Variants in ZNF469 observed in about 807,000 individuals in gnomAD.
ZNF469 encodes zinc finger protein 469.
ZNF469 carries 1 observed loss-of-function variant against 1.0 expected under a neutral mutation model. The ratio of observed to expected loss-of-function variants is 1.00; its 90% CI spans 0.35 to 4.73. The LOEUF (loss-of-function observed/expected upper bound fraction) is 4.73, where lower values mean the gene tolerates loss of function less well. ZNF469 is among the 30% of genes most tolerant of loss of function. The pLI is 0.16. For synonymous variants in ZNF469, 2,703 were observed against 2,363.4 expected (o/e 1.14, Z -4.17); for missense variants, 6,100 against 5,356.3 (o/e 1.14, Z -4.33).
the ZNF469 span, among the ~76,000 whole-genome samples, chr16:88,254,290 T>A: frequency 2.6e-5 from 4 of 152,244 alleles, no homozygotes; most frequent in African/African-American, 7.2e-5. Flanking sequence ...TGAGTTGCCA[T>A]GATGTCTTTA....
chr16:88,349,403 G>A, the ZNF469 span, among the ~76,000 whole-genome samples: 1 of 149,158 alleles, frequency 6.7e-6, no homozygotes, highest in Admixed American at 6.7e-5. Flanking sequence ...CACACACCAG[G>A]CACCACACAC....
chr16:88,390,565 C>T (rs1056562547), intron 1 of ZNF469, among the ~76,000 whole-genome samples: 1 of 152,236 alleles, frequency 6.6e-6, no homozygotes, highest in Non-Finnish European at 1.5e-5. Flanking sequence ...CCTAGGCAAG[C>T]TGACTTTTCC....
At chr16:88,347,525 C>T in the ZNF469 span, among the ~76,000 whole-genome samples, 1 of 152,212 alleles carries the variant, frequency 6.6e-6, no homozygotes, top group Admixed American at 6.5e-5. Flanking sequence ...ACCAGCCCCA[C>T]CATCTTCACT....
In ZNF469 at chr16:88,431,725, G is replaced by A. The variant is rs769088579; in HGVS notation, c.4255G>A (p.Gly1419Ser). ...CAGCAGCTCCTGCCTTTGCCAGGAC[G>A]GCGAGGATGCCGGTTCCCTCGAGCC... Reference protein sequence around the residue: ...PASSSCLCQDGEDAGSLEPQL... With the variant: ...PASSSCLCQDSEDAGSLEPQL... The change falls in exon 3 of 3, where the codon GGC becomes AGC. Residue 1419 changes from glycine (G) to serine (S), a missense_variant. Transcript: ENST00000565624. 16 of 1,550,168 alleles carry A rather than the reference G, an allele frequency of 1.0e-5. No homozygotes were observed. Among genetic ancestry groups the A allele is most frequent in the South Asian group, 7.1e-5 (6 of 84,064 alleles).
chr16:88,264,770 G>C, the ZNF469 span, among the ~76,000 whole-genome samples: 1 of 151,628 alleles, frequency 6.6e-6, no homozygotes, highest in African/African-American at 2.4e-5. Context: ...CACACCTGCT[G>C]GGCTTTGGCG....
At chr16:88,108,978 C>T in the ZNF469 span, among the ~76,000 whole-genome samples, 2 of 152,232 alleles carry the variant, frequency 1.3e-5, no homozygotes, top group Non-Finnish European at 2.9e-5. Context: ...AGTCACGCCA[C>T]ATTCATGACC....
the ZNF469 span, among the ~76,000 whole-genome samples, chr16:88,133,149 G>A: frequency 5.9e-5 from 9 of 152,214 alleles, no homozygotes; most frequent in Non-Finnish European, 1.2e-4. Context: ...GTGCTGCAGC[G>A]TACCGGCCAC....
the ZNF469 span, among the ~76,000 whole-genome samples, chr16:88,285,159 C>G: frequency 6.6e-6 from 1 of 152,274 alleles, no homozygotes; most frequent in Non-Finnish European, 1.5e-5. Flanking sequence ...ACTGTGGAGT[C>G]TCAGGGCTGC....
chr16:88,219,700 T>C, the ZNF469 span, among the ~76,000 whole-genome samples: 8 of 152,278 alleles, frequency 5.3e-5, no homozygotes, highest in East Asian at 3.9e-4. Context: ...ATTCAGGACA[T>C]AGGCATGAAA....
At chr16:88,233,240 C>T in the ZNF469 span, among the ~76,000 whole-genome samples, 6 of 152,222 alleles carry the variant, frequency 3.9e-5, no homozygotes, top group African/African-American at 1.4e-4. Flanking sequence ...GAGCCGTCCC[C>T]GCCAGGTTCT....
At chr16:88,356,940 G>T in the ZNF469 span, among the ~76,000 whole-genome samples, 1 of 152,380 alleles carries the variant, frequency 6.6e-6, no homozygotes, top group Admixed American at 6.5e-5. Flanking sequence ...CCTTCTGGAA[G>T]CTTGGCTTGC....
chr16:88,226,864 C>T, the ZNF469 span, among the ~76,000 whole-genome samples: 4 of 152,058 alleles, frequency 2.6e-5, no homozygotes, highest in African/African-American at 4.8e-5. Flanking sequence ...AAGCAAAGGG[C>T]GTGTGGGAAA....
the ZNF469 span, among the ~76,000 whole-genome samples, chr16:88,192,785 T>TG: frequency 0.022 from 3,301 of 150,454 alleles, no homozygotes; most frequent in South Asian, 0.026. Context: ...ATGGTGGTGA[T>TG]AGTGGTGATG....
chr16:88,337,325 G>C, the ZNF469 span, among the ~76,000 whole-genome samples: 1 of 152,178 alleles, frequency 6.6e-6, no homozygotes, highest in Non-Finnish European at 1.5e-5. Flanking sequence ...TTATAGGGGA[G>C]CTCCCCTGCA....
chr16:88,207,919 G>A, the ZNF469 span, among the ~76,000 whole-genome samples: 29 of 152,242 alleles, frequency 1.9e-4, no homozygotes, highest in African/African-American at 6.5e-4. Context: ...TCGAGGGTGT[G>A]GGGGGTGGAT....
rs1458765030 is a variant in ZNF469 at position 88,427,777 on chromosome 16, C to T, written c.307C>T (p.Gln103Ter). 6.5e-7 allele frequency: 1 copy of T among 1,546,608 alleles called. No individual in the cohort carries two copies. Among genetic ancestry groups the T allele is most frequent in the Non-Finnish European group, 8.7e-7 (1 of 1,146,696 alleles). Residue 103 changes from glutamine (Q) to a stop codon, truncating the protein, a stop_gained, in exon 3 of 3, where the codon CAG becomes TAG. Coordinates refer to ENST00000565624, the MANE Select transcript of ZNF469 (RefSeq NM_001367624.2). LOFTEE classifies it low-confidence loss of function (END_TRUNC). ...GACCCCACCGGGGAGAAGCCCCTTG[C>T]AGGCTCCCTCAAGGCTGGCGGGCAG... ...PQTPPGRSPL[Q>*]APSRLAGRAE...
the ZNF469 span, among the ~76,000 whole-genome samples, chr16:88,283,785 CTGG>C: frequency 4.6e-5 from 7 of 151,962 alleles, no homozygotes; most frequent in African/African-American, 1.7e-4. Context: ...TCTGCGGAGG[CTGG>C]TAGACCCCCA....
the ZNF469 span, among the ~76,000 whole-genome samples, chr16:88,148,291 C>T: frequency 6.6e-6 from 1 of 152,172 alleles, no homozygotes; most frequent in East Asian, 1.9e-4. Context: ...CCACCACCCC[C>T]ATGGGGCCTG....
At chr16:88,255,070 T>A in the ZNF469 span, among the ~76,000 whole-genome samples, 1 of 152,210 alleles carries the variant, frequency 6.6e-6, no homozygotes, top group East Asian at 1.9e-4. Flanking sequence ...CATAGACATG[T>A]ACGATATGGG....
Sources: allele counts gnomAD v4.1 joint callset (sites outside exome capture counted in the v4.1 genomes callset), GRCh38; gene constraint gnomAD v4.1.1; transcripts MANE v1.5; gene names NCBI Gene and HGNC (gene_info 2026-07-23, HGNC 2026-07-21).